The following DCC variants were observed in gnomAD, a reference collection of about 807,000 sequenced individuals.
DCC encodes the protein DCC netrin 1 receptor, also known as netrin receptor DCC.
DCC carries 58 observed loss-of-function variants against 172.5 expected under a neutral mutation model. The observed-to-expected ratio is 0.34, with a 90% CI of 0.27 to 0.42. The LOEUF is 0.42. Among genes scored for constraint, DCC ranks in the 10% least tolerant of loss-of-function variants. The pLI is 1.00. For synonymous variants in DCC, 709 were observed against 644.5 expected, an observed-to-expected ratio of 1.10 and a Z score of -1.52; for missense variants, 1,740 against 1,791.0, an observed-to-expected ratio of 0.97 and a Z score of 0.51.
intron 7 of DCC, among the ~76,000 whole-genome samples, chr18:53,111,570 AT>A (rs1014658159): frequency 1.3e-5 from 2 of 151,418 alleles, no homozygotes; most frequent in African/African-American, 4.8e-5. Flanking sequence ...GATTTTTACA[AT>A]TTTAGGTTAT....
intron 5 of DCC, among the ~76,000 whole-genome samples, chr18:52,971,517 A>G (rs2041030149): frequency 6.6e-6 from 1 of 151,606 alleles, no homozygotes; most frequent in Non-Finnish European, 1.5e-5. Context: ...GCGCGCACAC[A>G]CACACACACA....
chr18:52,517,038 CA>C (rs1360428797), intron 1 of DCC, among the ~76,000 whole-genome samples: 1 of 152,160 alleles, frequency 6.6e-6, no homozygotes, highest in Non-Finnish European at 1.5e-5. Context: ...AAACAGTAAA[CA>C]AACCAGTAAG....
chr18:53,268,587 C>T lies in DCC; in HGVS notation c.1912-36991C>T, dbSNP rs190719410. ...TCTCATTTGCAATGCTATTCTCATT[C>T]CCCTTTATTCCCTTTGTTATTTGGC... On this transcript the variant is annotated intron_variant, in intron 12 of 28. Transcript: ENST00000442544. Among the ~76,000 whole-genome samples the T allele has an allele frequency of 2.0e-3, 308 of 152,192 alleles. 5 individuals carry two copies. The highest frequency in any genetic ancestry group is 0.019 in the Admixed American group (284 of 15,282).
intron 25 of DCC, among the ~76,000 whole-genome samples, chr18:53,482,979 C>T (rs1385938406): frequency 2.0e-5 from 3 of 151,800 alleles, no homozygotes; most frequent in African/African-American, 7.2e-5. Flanking sequence ...TCAAGTCACT[C>T]TAAAAGTCTC....
intron 9 of DCC, among the ~76,000 whole-genome samples, chr18:53,196,377 C>G (rs1055180430): frequency 3.3e-5 from 5 of 152,102 alleles, no homozygotes; most frequent in Admixed American, 6.6e-5. Context: ...TCAAAAAGCT[C>G]TACATTAAAA....
At chr18:53,300,139 TAA>T (rs557231600) in intron 12 of DCC, among the ~76,000 whole-genome samples, 160 of 152,332 alleles carry the variant, frequency 1.1e-3, no homozygotes, top group African/African-American at 3.5e-3. Flanking sequence ...CTGAAATTAG[TAA>T]AAGATTTTTA....
chr18:52,431,601 G>C (rs868691504), intron 1 of DCC, among the ~76,000 whole-genome samples: 2 of 152,242 alleles, frequency 1.3e-5, no homozygotes, highest in Middle Eastern at 3.4e-3. Flanking sequence ...TGCTTTTGAA[G>C]AATTAGATGG....
chr18:52,496,077 G>T (rs1787742), intron 1 of DCC, among the ~76,000 whole-genome samples: 1 of 151,992 alleles, frequency 6.6e-6, no homozygotes, highest in African/African-American at 2.4e-5. Flanking sequence ...ACACACTAAG[G>T]ATTCAGTAAG....
chr18:52,566,478 T>G (rs2033163831), intron 1 of DCC, among the ~76,000 whole-genome samples: 1 of 152,088 alleles, frequency 6.6e-6, no homozygotes, highest in African/African-American at 2.4e-5. Flanking sequence ...GTAACAAACC[T>G]GCACGTTCTG....
chr18:53,471,211 A>C (rs1029827734), intron 25 of DCC, among the ~76,000 whole-genome samples: 11 of 152,328 alleles, frequency 7.2e-5, no homozygotes, highest in African/African-American at 2.4e-4. Flanking sequence ...TATGGGGTAC[A>C]TGAGATGTTT....
intron 28 of DCC, 40 bp from the exon 29 acceptor site, chr18:53,530,524 A>G: frequency 9.2e-7 from 1 of 1,089,238 alleles, no homozygotes; most frequent in Non-Finnish European, 1.4e-6. Context: ...GAAATGGATC[A>G]ATATTTGTTA....
At chr18:52,783,360 T>A (rs1000364531) in intron 2 of DCC, among the ~76,000 whole-genome samples, 2 of 99,176 alleles carry the variant, frequency 2.0e-5, no homozygotes, top group East Asian at 7.0e-4. Context: ...TTTTTTTTTT[T>A]TACAACACAA....
chr18:52,523,645 A>G (rs958186625), intron 1 of DCC, among the ~76,000 whole-genome samples: 6 of 152,196 alleles, frequency 3.9e-5, no homozygotes, highest in Admixed American at 2.0e-4. Context: ...TTATTGGGCA[A>G]CTTAATCTAA....
At chr18:52,745,286 GAA>G (rs2145120952) in intron 1 of DCC, among the ~76,000 whole-genome samples, 1 of 152,226 alleles carries the variant, frequency 6.6e-6, no homozygotes, top group East Asian at 1.9e-4. Flanking sequence ...CCTCAAATAT[GAA>G]AAGTCATGGC....
intron 25 of DCC, among the ~76,000 whole-genome samples, chr18:53,474,524 G>T (rs2045738305): frequency 6.6e-6 from 1 of 152,146 alleles, no homozygotes; most frequent in Non-Finnish European, 1.5e-5. Context: ...TGCTATTCTT[G>T]TGATAGTTAA....
intron 15 of DCC, among the ~76,000 whole-genome samples, chr18:53,371,924 AC>A (rs2058063517): frequency 6.6e-6 from 1 of 152,096 alleles, no homozygotes; most frequent in South Asian, 2.1e-4. Context: ...ACTGTCACAC[AC>A]CAGTCAGAAT....
intron 15 of DCC, among the ~76,000 whole-genome samples, chr18:53,360,527 T>C (rs1053739544): frequency 6.6e-6 from 1 of 152,170 alleles, no homozygotes; most frequent in Non-Finnish European, 1.5e-5. Context: ...GCATTTACTG[T>C]CTCATTGAAA....
intron 2 of DCC, among the ~76,000 whole-genome samples, chr18:52,861,716 T>C (rs779525975): frequency 1.3e-5 from 2 of 152,206 alleles, no homozygotes; most frequent in Admixed American, 1.3e-4. Context: ...AATTAACTTA[T>C]TCTGCTTGCT....
chr18:52,816,117 C>A (rs934227684), intron 2 of DCC, among the ~76,000 whole-genome samples: 9 of 152,158 alleles, frequency 5.9e-5, no homozygotes, highest in African/African-American at 1.7e-4. Context: ...TTATTAATCC[C>A]ATTTTTAAGA....
Sources: allele counts gnomAD v4.1 joint callset (sites outside exome capture counted in the v4.1 genomes callset), GRCh38; gene constraint gnomAD v4.1.1; transcripts MANE v1.5; gene names NCBI Gene and HGNC (gene_info 2026-07-23, HGNC 2026-07-21).